Variants in GALNT16 observed in about 807,000 individuals in gnomAD.
GALNT16 encodes the protein UDP-GalNAc:polypeptide N-acetylgalactosaminyltransferase-like protein 1.
A neutral mutation model predicts 76.1 loss-of-function variants in GALNT16; 40 were observed. That is an observed-to-expected ratio of 0.53 (90% confidence interval 0.41 to 0.68). The LOEUF (loss-of-function observed/expected upper bound fraction) is 0.68, where lower values mean the gene tolerates loss of function less well. Among genes scored for constraint, GALNT16 ranks in the 30% least tolerant of loss-of-function variants. GALNT16 has a pLI of 0.00. For missense variants in GALNT16, 621 were observed against 731.9 expected (o/e 0.85, Z 1.75); for synonymous variants, 276 against 285.2 (o/e 0.97, Z 0.32).
At chr14:69,357,321 T>C (rs1291357440), downstream of GALNT16, 1 of 152,292 alleles carries the variant, frequency 6.6e-6, no homozygotes, top group African/African-American at 2.4e-5. Flanking sequence ...AAGGTTGGAC[T>C]GGATAAGGTC....
chr14:69,262,785 C>T (rs923975572), intron 1 of GALNT16, among the ~76,000 whole-genome samples: 2 of 152,208 alleles, frequency 1.3e-5, no homozygotes, highest in Non-Finnish European at 2.9e-5. Context: ...TTATTTCTTC[C>T]ATGTGATTTG....
intron 1 of GALNT16, among the ~76,000 whole-genome samples, chr14:69,310,078 A>G (rs1034497779): frequency 1.2e-4 from 19 of 152,054 alleles, no homozygotes; most frequent in Admixed American, 1.1e-3. Flanking sequence ...TCTTATGCCA[A>G]TCCTCCACAT....
rs759818381 is a variant in GALNT16, at chr14:69,347,176, G to A, written c.1408G>A (p.Ala470Thr). ...CRGSAKNPQP[A>T]QAWLFSDHLI... Reference sequence around the variant, plus strand: ...AGGGTCTGCCAAGAACCCGCAGCCCGCCCAGGTAAGGACCTCGGGTAGGAA... The same window carrying A: ...AGGGTCTGCCAAGAACCCGCAGCCCACCCAGGTAAGGACCTCGGGTAGGAA... The change falls in exon 13 of 15, where the codon GCC becomes ACC. Residue 470 changes from alanine to threonine, a missense_variant. Coordinates refer to ENST00000448469, the MANE Select transcript of GALNT16 (RefSeq NM_001168368.2). 9 of 1,606,696 alleles carry A rather than the reference G, an allele frequency of 5.6e-6. No homozygotes were observed. The highest frequency in any genetic ancestry group is 3.3e-5 in the South Asian group (3 of 90,214).
chr14:69,305,971 C>T (rs2044927025), intron 1 of GALNT16, among the ~76,000 whole-genome samples: 1 of 152,164 alleles, frequency 6.6e-6, no homozygotes, highest in Non-Finnish European at 1.5e-5. Flanking sequence ...CAGTTCCATT[C>T]TTTTGCATGT....
intron 1 of GALNT16, among the ~76,000 whole-genome samples, chr14:69,265,935 G>C (rs1430933383): frequency 1.3e-5 from 2 of 152,146 alleles, no homozygotes; most frequent in Non-Finnish European, 2.9e-5. Flanking sequence ...ACATTCGTTG[G>C]AGACCTGGAT....
In GALNT16 at chr14:69,275,923, G is replaced by A. The variant is rs112026141; in HGVS notation, c.177+15456G>A. Among the ~76,000 whole-genome samples, 564 of 152,286 alleles carry A rather than the reference G, an allele frequency of 3.7e-3. 2 individuals carry two copies. Among genetic ancestry groups the A allele is most frequent in the African/African-American group, 0.013 (541 of 41,560 alleles). ...ACTGGGCAATTTACAAAAGAAAGAG[G>A]TTTATTTGGACTTACAGTTCTACAT... On this transcript the variant is annotated intron_variant, in intron 1 of 14. Transcript: ENST00000448469.
intron 1 of GALNT16, among the ~76,000 whole-genome samples, chr14:69,318,672 TAAAC>T (rs1326696914): frequency 6.6e-6 from 1 of 152,168 alleles, no homozygotes; most frequent in African/African-American, 2.4e-5. Context: ...AAGTCCTAAA[TAAAC>T]AAACATGGCT....
rs184557850 is a variant in GALNT16 at position 69,276,342 on chromosome 14, C to T, written c.177+15875C>T. ...TGACTTTATCTGTAATGTTTTGTTT[C>T]TGTTGTTTTTGTGGTTTTGTTTGTT... On this transcript the variant is annotated intron_variant, in intron 1 of 14. Coordinates refer to ENST00000448469, the MANE Select transcript of GALNT16 (RefSeq NM_001168368.2). Among the ~76,000 whole-genome samples the T allele has an allele frequency of 3.3e-3, 510 of 152,280 alleles. 5 individuals are homozygous for T. Among genetic ancestry groups the T allele is most frequent in the Non-Finnish European group, 6.0e-3 (410 of 68,014 alleles).
At chr14:69,274,655 A>C (rs977919520) in intron 1 of GALNT16, among the ~76,000 whole-genome samples, 2 of 152,182 alleles carry the variant, frequency 1.3e-5, no homozygotes, top group African/African-American at 4.8e-5. Context: ...GACCAAGGCA[A>C]ATATTGCCAA....
chr14:69,344,349 T>C (rs956015076), intron 12 of GALNT16, among the ~76,000 whole-genome samples: 1 of 152,254 alleles, frequency 6.6e-6, no homozygotes, highest in East Asian at 1.9e-4. Context: ...TGCACATTCA[T>C]GACACTAATT....
intron 1 of GALNT16, among the ~76,000 whole-genome samples, chr14:69,270,655 ATC>A (rs1369510608): frequency 6.6e-6 from 1 of 152,182 alleles, no homozygotes; most frequent in Admixed American, 6.5e-5. Context: ...AAGTTGCTGG[ATC>A]AGCGGTCCGT....
intron 1 of GALNT16, among the ~76,000 whole-genome samples, chr14:69,312,414 T>C (rs2045041012): frequency 6.6e-6 from 1 of 152,146 alleles, no homozygotes; most frequent in Non-Finnish European, 1.5e-5. Context: ...CAGAGGGTGT[T>C]TCTTGGGGCC....
the GALNT16 span, among the ~76,000 whole-genome samples, chr14:69,382,315 A>G: frequency 2.0e-5 from 3 of 152,240 alleles, no homozygotes; most frequent in African/African-American, 7.2e-5. Flanking sequence ...CTCTTTGTCC[A>G]TGCTTCCTAA....
At chr14:69,294,701 A>G (rs568979219) in intron 1 of GALNT16, among the ~76,000 whole-genome samples, 4 of 152,144 alleles carry the variant, frequency 2.6e-5, no homozygotes, top group African/African-American at 4.8e-5. Context: ...GGAACCTACA[A>G]TATGCAGTCT....
At chr14:69,320,576 G>T in intron 1 of GALNT16, 135 bp from the exon 2 acceptor site, 4 of 664,756 alleles carry the variant, frequency 6.0e-6, no homozygotes, top group Non-Finnish European at 8.1e-6. Context: ...GGAGATAATG[G>T]TCTCCTCCTC....
In GALNT16 at chr14:69,325,307, GC is replaced by G. The variant is rs756947385; in HGVS notation, c.435-29del. The G allele has an allele frequency of 1.5e-5, 22 of 1,430,184 alleles. No individual in the cohort carries two copies. The East Asian group carries it at 5.0e-4, about 32-fold the overall frequency. The allele number at this position is 1,430,184 out of a possible 1,614,324, so 88.6% of individuals were successfully genotyped here. Reference sequence around the variant, plus strand: ...AATGGGAGGTGGTTCCTAAATCCAGGCTCTTTCTCTGTTTCCACTGCTACTG... The same window carrying G: ...AATGGGAGGTGGTTCCTAAATCCAGGTCTTTCTCTGTTTCCACTGCTACTG... On this transcript the variant is annotated intron_variant, in intron 3 of 14. Coordinates refer to ENST00000448469, the MANE Select transcript of GALNT16 (RefSeq NM_001168368.2).
rs369961978 is a variant in GALNT16 at position 69,352,045 on chromosome 14, A to G, written c.1554A>G (p.Lys518=). ...GTTCCTCCTAGAAATGGAGGAGAAA[A>G]GGATCTTTCATCCAGCATTCAGTCA... ...PREGKQKWRR[K]GSFIQHSVSG... The change falls in exon 15 of 15, where the codon AAA becomes AAG. Residue 518 remains lysine, a synonymous_variant. Transcript: ENST00000448469. The G allele has an allele frequency of 5.6e-6, 9 of 1,612,544 alleles. No individual in the cohort carries two copies. Among genetic ancestry groups the G allele is most frequent in the East Asian group, 2.2e-5 (1 of 44,864 alleles).
intron 1 of GALNT16, among the ~76,000 whole-genome samples, chr14:69,286,339 G>A: frequency 7.0e-6 from 1 of 141,866 alleles, no homozygotes; most frequent in Non-Finnish European, 1.5e-5. Context: ...TCTCGCTATT[G>A]TAGCCCAGGC....
intron 1 of GALNT16, among the ~76,000 whole-genome samples, chr14:69,272,048 A>G (rs2044412817): frequency 6.6e-6 from 1 of 152,094 alleles, no homozygotes; most frequent in African/African-American, 2.4e-5. Flanking sequence ...GCTCACATTC[A>G]TTCACATCCC....
Sources: gnomAD v4.1 joint callset for allele counts (sites outside exome capture counted in the v4.1 genomes callset) on GRCh38, gnomAD v4.1.1 for gene constraint, MANE v1.5 for transcripts, NCBI Gene and HGNC (gene_info 2026-07-23, HGNC 2026-07-21) for gene names.